TMEM209: variants seen among roughly 807,000 people sequenced by gnomAD.
TMEM209 encodes the protein testicular tissue protein Li 202.
A neutral mutation model predicts 76.2 loss-of-function variants in TMEM209; 65 were observed. The observed-to-expected ratio is 0.85, with a 90% confidence interval of 0.70 to 1.05. TMEM209 has a LOEUF of 1.05. Ranked by LOEUF, TMEM209 falls within the 50% of genes least tolerant of loss-of-function variation. The pLI is 0.00. For synonymous variants in TMEM209, 239 were observed against 237.6 expected, an observed-to-expected ratio of 1.01 and a Z score of -0.06; for missense variants, 623 against 685.5, an observed-to-expected ratio of 0.91 and a Z score of 1.02.
Position 130,184,184 on chromosome 7 carries a change from A to C in TMEM209, c.1023T>G (p.Asn341Lys). 6.2e-7 allele frequency: 1 copy of C among 1,601,704 alleles called. No individual in the cohort carries two copies. The highest frequency in any genetic ancestry group is 1.7e-5 in the Admixed American group (1 of 58,892). The change falls in exon 8 of 15, where the codon AAT becomes AAG. Residue 341 changes from asparagine (N) to lysine (K), a missense_variant and splice_region_variant. Asn to Lys is a moderately conservative substitution (Grantham distance 94). Coordinates refer to ENST00000397622, the MANE Select transcript of TMEM209 (RefSeq NM_032842.4). ...HMDSWTAKFR[N>K]WINETILVPL... ...TCCAAAGAGTAATGTCAGAACTTAC[A>C]TTTCTAAATTTAGCTGTCCATGAAT...
intron 5 of TMEM209, 104 bp downstream of exon 5, chr7:130,201,746 C>A: frequency 7.1e-7 from 1 of 1,417,036 alleles, no homozygotes; most frequent in Admixed American, 2.2e-5. Context: ...CTGGGCAAAT[C>A]AACTCTCAGT....
chr7:130,174,620 T>TA (rs920990840), intron 11 of TMEM209, among the ~76,000 whole-genome samples: 10 of 151,094 alleles, frequency 6.6e-5, no homozygotes, highest in Admixed American at 1.3e-4. Flanking sequence ...ACAGTCACTA[T>TA]AAAAAAAAAG....
chr7:130,186,589 C>T (rs7808201), intron 6 of TMEM209, among the ~76,000 whole-genome samples: 1,700 of 152,108 alleles, frequency 0.011, 39 homozygotes, highest in African/African-American at 0.039. Context: ...TTAATCATTG[C>T]GATTATTAAC....
chr7:130,180,284 A>G (rs187099626), intron 9 of TMEM209, among the ~76,000 whole-genome samples: 257 of 152,272 alleles, frequency 1.7e-3, no homozygotes, highest in African/African-American at 6.1e-3. Context: ...TCTTGGGCTT[A>G]TATCTAGAAT....
rs1796844576 is a variant in TMEM209 at position 130,165,186 on chromosome 7, G to A, written c.*1265C>T. The A allele has an allele frequency of 6.6e-6, 1 of 152,152 alleles. No individual in the cohort carries two copies. The highest frequency in any genetic ancestry group is 6.5e-5 in the Admixed American group (1 of 15,276). 9.4% of individuals were successfully genotyped at this position (152,152 alleles called of 1,614,324 possible). A position where few individuals can be genotyped will look rare whatever the true frequency, so the allele number is the denominator to read the frequency against. ...CAAAACGGGATGCACATCTAACACT[G>A]ATACACGGTTCTTCAGAAAAGACTA... On this transcript the variant is annotated 3_prime_UTR_variant, in exon 15 of 15. Transcript: ENST00000397622.
chr7:130,178,570 G>A (rs751687684), intron 9 of TMEM209, 43 bp from the exon 10 acceptor site: 9 of 1,605,982 alleles, frequency 5.6e-6, no homozygotes, highest in Non-Finnish European at 7.7e-6. Flanking sequence ...TTCTAAAAGT[G>A]AGTTTCCAAA....
intron 12 of TMEM209, 44 bp from the exon 13 acceptor site, chr7:130,173,773 A>C (rs1202927506): frequency 6.2e-7 from 1 of 1,607,124 alleles, no homozygotes; most frequent in Admixed American, 1.7e-5. Context: ...CCAAACCCCC[A>C]GAGATATTTT....
chr7:130,189,559 T>C (rs991456147), intron 6 of TMEM209, among the ~76,000 whole-genome samples: 1 of 152,142 alleles, frequency 6.6e-6, no homozygotes, highest in Non-Finnish European at 1.5e-5. Flanking sequence ...TATTCAGGAA[T>C]GAAGTGGAAT....
chr7:130,185,130 G>A (rs765926059), intron 7 of TMEM209, 62 bp downstream of exon 7: 209 of 1,516,240 alleles, frequency 1.4e-4, no homozygotes, highest in Non-Finnish European at 1.8e-4. Context: ...TGTTCCAGAA[G>A]TAGAAGACTT....
intron 6 of TMEM209, among the ~76,000 whole-genome samples, chr7:130,191,378 T>C (rs1271864981): frequency 2.0e-5 from 3 of 152,056 alleles, no homozygotes; most frequent in South Asian, 2.1e-4. Flanking sequence ...TTTGGCACAC[T>C]TTCTTAATAA....
intron 1 of TMEM209, 24 bp downstream of exon 1, chr7:130,205,349 A>G: frequency 6.2e-7 from 1 of 1,613,894 alleles, no homozygotes; most frequent in East Asian, 2.2e-5. Flanking sequence ...GACAGGAAGC[A>G]CAAACACGAC....
intron 6 of TMEM209, among the ~76,000 whole-genome samples, chr7:130,191,411 A>T (rs1285598743): frequency 6.6e-6 from 1 of 152,138 alleles, no homozygotes; most frequent in Non-Finnish European, 1.5e-5. Context: ...GCAGATAAAA[A>T]TTAGTAAGAT....
chr7:130,169,638 TA>T (rs1049736551), intron 14 of TMEM209, among the ~76,000 whole-genome samples: 1 of 152,254 alleles, frequency 6.6e-6, no homozygotes, highest in Non-Finnish European at 1.5e-5. Context: ...AGGACACGTA[TA>T]AACTCTAAAT....
At chr7:130,184,132 T>G in intron 8 of TMEM209, 52 bp downstream of exon 8, 2 of 1,212,044 alleles carry the variant, frequency 1.7e-6, no homozygotes, top group Non-Finnish European at 2.4e-6. Flanking sequence ...AATAACATGC[T>G]TTGCATATTA....
Position 130,179,856 on chromosome 7 carries a change from T to C in TMEM209, c.1121-1329A>G, listed in dbSNP as rs533832919. On this transcript the variant is annotated intron_variant, in intron 9 of 14. Transcript: ENST00000397622. ...GTGTGTGCCTGTAGTCCCAGCTACT[T>C]GGATGCGGCTGAGGTGAGAGGATCT... Among the ~76,000 whole-genome samples, 21 of 152,284 alleles carry C rather than the reference T, an allele frequency of 1.4e-4. 1 individual carries two copies. The highest frequency in any genetic ancestry group is 4.8e-4 in the African/African-American group (20 of 41,564).
At chr7:130,193,819 TACA>T (rs1797879881) in intron 5 of TMEM209, among the ~76,000 whole-genome samples, 1 of 152,092 alleles carries the variant, frequency 6.6e-6, no homozygotes, top group South Asian at 2.1e-4. Flanking sequence ...CCATAGAACG[TACA>T]ACACCAAGAG....
chr7:130,193,211 T>C (rs528704676), intron 5 of TMEM209, among the ~76,000 whole-genome samples: 1 of 152,146 alleles, frequency 6.6e-6, no homozygotes, highest in African/African-American at 2.4e-5. Flanking sequence ...AACGAGTAAA[T>C]AAACTGGCAA....
intron 5 of TMEM209, among the ~76,000 whole-genome samples, chr7:130,194,707 T>A (rs1797912616): frequency 6.6e-6 from 1 of 152,178 alleles, no homozygotes; most frequent in African/African-American, 2.4e-5. Context: ...ACAAGAATTT[T>A]AAAAATTGGA....
chr7:130,178,819 AC>A (rs1030223251), intron 9 of TMEM209, among the ~76,000 whole-genome samples: 3 of 151,998 alleles, frequency 2.0e-5, no homozygotes, highest in African/African-American at 7.3e-5. Flanking sequence ...TCTGTCACCC[AC>A]GCTGGAGTAT....
Sources: gnomAD v4.1 joint callset for allele counts (sites outside exome capture counted in the v4.1 genomes callset) on GRCh38, gnomAD v4.1.1 for gene constraint, MANE v1.5 for transcripts, NCBI Gene and HGNC (gene_info 2026-07-23, HGNC 2026-07-21) for gene names.